Variants in CACNA1D observed in about 807,000 individuals in gnomAD.
CACNA1D encodes the protein voltage-dependent L-type calcium channel subunit alpha-1D.
CACNA1D carries 55 observed loss-of-function variants against 257.1 expected under a neutral mutation model. The ratio of observed to expected loss-of-function variants is 0.21; its 90% CI spans 0.17 to 0.27. The LOEUF (loss-of-function observed/expected upper bound fraction) is 0.27. Ranked by LOEUF, CACNA1D falls within the 10% of genes least tolerant of loss-of-function variation. The probability of loss-of-function intolerance (pLI) is 1.00; values close to 1 mark genes in which losing one functional copy is unlikely to be tolerated. For missense variants in CACNA1D, 1,876 were observed against 2,784.0 expected (o/e 0.67, Z 7.34); for synonymous variants, 980 against 1,014.9 (o/e 0.97, Z 0.65).
chr3:53,761,157 G>A lies in CACNA1D; in HGVS notation c.3787-841G>A, dbSNP rs139127847. 1.3e-3 allele frequency among the ~76,000 whole-genome samples: 197 copies of A among 152,306 alleles called. 2 individuals are homozygous for A. The highest frequency in any genetic ancestry group is 4.6e-3 in the African/African-American group (192 of 41,556). ...TGGGGAGGAACCTGGTGCTATTTTC[G>A]AAGGATGGGAAGGACTCCTCTCAGC... is the stretch of plus-strand genomic sequence containing the variant. On this transcript the variant is annotated intron_variant, in intron 29 of 47. Coordinates refer to ENST00000350061, the MANE Select transcript of CACNA1D (RefSeq NM_001128840.3).
At chr3:53,699,238 A>G (rs1387898302) in intron 8 of CACNA1D, among the ~76,000 whole-genome samples, 1 of 152,138 alleles carries the variant, frequency 6.6e-6, no homozygotes, top group African/African-American at 2.4e-5. Flanking sequence ...GTGTCTCCCA[A>G]TCCTAACGGG....
chr3:53,787,555 G>T (rs1265171574), intron 40 of CACNA1D, among the ~76,000 whole-genome samples: 1 of 151,942 alleles, frequency 6.6e-6, no homozygotes, highest in African/African-American at 2.4e-5. Flanking sequence ...CCAGCCTCTG[G>T]TCCCTCTCCC....
intron 3 of CACNA1D, among the ~76,000 whole-genome samples, chr3:53,578,615 CGGAGGTCTACAA>C (rs921019005): frequency 1.3e-5 from 2 of 151,922 alleles, no homozygotes; most frequent in African/African-American, 4.8e-5. Context: ...TTTCTGGAGG[CGGAGGTCTACAA>C]GGAGGGTGGT....
At chr3:53,808,448 A>G (rs945097824) in intron 45 of CACNA1D, 10 of 618,160 alleles carry the variant, frequency 1.6e-5, no homozygotes, top group African/African-American at 1.5e-4. Context: ...TTGTACTTTA[A>G]AAAACATCCC....
chr3:53,713,963 C>T (rs2094791167), intron 9 of CACNA1D, among the ~76,000 whole-genome samples: 1 of 152,190 alleles, frequency 6.6e-6, no homozygotes, highest in Non-Finnish European at 1.5e-5. Flanking sequence ...TCCCAGAGAT[C>T]CCAATGCCTG....
In CACNA1D at chr3:53,773,254, C is replaced by T. The variant is rs543042416; in HGVS notation, c.4110+356C>T. On this transcript the variant is annotated intron_variant, in intron 33 of 47. Coordinates refer to ENST00000350061, the MANE Select transcript of CACNA1D (RefSeq NM_001128840.3). ...TGGGTCTTTTCAGTCTGTGCCGAGC[C>T]GTCGCGGGAACAGAAGGCTGGTGCT... The T allele has an allele frequency of 6.1e-5, 19 of 312,348 alleles. 1 individual carries two copies. Among genetic ancestry groups the T allele is most frequent in the South Asian group, 5.9e-4 (15 of 25,542 alleles). 19.3% of individuals were successfully genotyped at this position (312,348 alleles called of 1,614,324 possible).
intron 3 of CACNA1D, among the ~76,000 whole-genome samples, chr3:53,592,634 T>G (rs2093320748): frequency 6.6e-6 from 1 of 151,966 alleles, no homozygotes; most frequent in Non-Finnish European, 1.5e-5. Context: ...CCTCTTTGAG[T>G]AAGGCCTAAT....
At chr3:53,606,692 A>G (rs1001823070) in intron 3 of CACNA1D, among the ~76,000 whole-genome samples, 2 of 152,198 alleles carry the variant, frequency 1.3e-5, no homozygotes, top group African/African-American at 2.4e-5. Flanking sequence ...TACTTAAAAC[A>G]TATGCCTTTA....
intron 3 of CACNA1D, among the ~76,000 whole-genome samples, chr3:53,602,490 T>G (rs2093456163): frequency 6.6e-6 from 1 of 152,238 alleles, no homozygotes; most frequent in African/African-American, 2.4e-5. Context: ...AATTGCTGGA[T>G]CATATGATAG....
At chr3:53,541,696 C>T (rs1472688221) in intron 3 of CACNA1D, among the ~76,000 whole-genome samples, 1 of 152,124 alleles carries the variant, frequency 6.6e-6, no homozygotes, top group African/African-American at 2.4e-5. Context: ...TCAGATGTTT[C>T]GTGAGCACCT....
chr3:53,517,301 G>A (rs1391325153), intron 3 of CACNA1D, among the ~76,000 whole-genome samples: 1 of 151,896 alleles, frequency 6.6e-6, no homozygotes, highest in African/African-American at 2.4e-5. Context: ...TGGGACCTAC[G>A]CAGAAGAGTC....
chr3:53,743,546 T>C (rs1214580751), intron 22 of CACNA1D, among the ~76,000 whole-genome samples: 1 of 152,240 alleles, frequency 6.6e-6, no homozygotes, highest in Non-Finnish European at 1.5e-5. Context: ...CTTCCTTTGA[T>C]TTTCAGGATA....
chr3:53,684,201 A>G (rs150532342), intron 8 of CACNA1D, among the ~76,000 whole-genome samples: 35 of 152,362 alleles, frequency 2.3e-4, no homozygotes, highest in African/African-American at 7.9e-4. Context: ...GGAAGTAGAA[A>G]AACTTTCAGG....
chr3:53,806,882 G>A (rs892664409), intron 45 of CACNA1D, among the ~76,000 whole-genome samples: 3 of 152,042 alleles, frequency 2.0e-5, no homozygotes, highest in Non-Finnish European at 4.4e-5. Flanking sequence ...CCTCGCCCTT[G>A]TGAGTTCCAC....
At chr3:53,711,315 G>C (rs563420940) in intron 9 of CACNA1D, among the ~76,000 whole-genome samples, 1 of 152,352 alleles carries the variant, frequency 6.6e-6, no homozygotes, top group Non-Finnish European at 1.5e-5. Flanking sequence ...GCCTTTGAAA[G>C]TGAGAATGGG....
chr3:53,800,781 T>G lies in CACNA1D; in HGVS notation c.5041-277T>G. ...GGCCACCAGCCAGCCCAGCTGGGTA[T>G]AAGTCACCCCAACTTGGAGCAACTG... On this transcript the variant is annotated intron_variant, in intron 41 of 47. Coordinates refer to ENST00000350061, the MANE Select transcript of CACNA1D (RefSeq NM_001128840.3). The surrounding 1 kb of genome is among the most constrained non-coding windows in gnomAD (Gnocchi z 4.3). 1.8e-6 allele frequency: 1 copy of G among 549,720 alleles called. No homozygotes were observed. The highest frequency in any genetic ancestry group is 3.3e-6 in the Non-Finnish European group (1 of 306,014). The allele number at this position is 549,720 out of a possible 1,614,324, so 34.1% of individuals were successfully genotyped here.
chr3:53,571,632 T>C (rs572565112), intron 3 of CACNA1D, among the ~76,000 whole-genome samples: 1 of 152,284 alleles, frequency 6.6e-6, no homozygotes, highest in African/African-American at 2.4e-5. Context: ...GGGCCACCTC[T>C]GTCCTGTCCA....
At chr3:53,752,026 G>T in intron 28 of CACNA1D, 119 bp downstream of exon 28, 1 of 977,046 alleles carries the variant, frequency 1.0e-6, no homozygotes. Context: ...TGATGAGTCT[G>T]GGCTATAGGT....
intron 3 of CACNA1D, among the ~76,000 whole-genome samples, chr3:53,537,207 ATATT>A (rs2092140512): frequency 6.6e-6 from 1 of 152,208 alleles, no homozygotes; most frequent in Non-Finnish European, 1.5e-5. Context: ...ACTAGAATAT[ATATT>A]CTTTTCAAAA....
Sources: gnomAD v4.1 joint callset for allele counts (sites outside exome capture counted in the v4.1 genomes callset) on GRCh38, gnomAD v4.1.1 for gene constraint, Gnocchi (gnomAD v3.1) non-coding constraint, MANE v1.5 for transcripts, NCBI Gene and HGNC (gene_info 2026-07-23, HGNC 2026-07-21) for gene names.